The following MTUS1 variants were observed in gnomAD, a reference collection of about 807,000 sequenced individuals.
MTUS1 encodes microtubule associated scaffold protein 1.
A neutral mutation model predicts 120.8 loss-of-function variants in MTUS1; 109 were observed. That is an observed-to-expected ratio of 0.90 (90% CI 0.77 to 1.06). The LOEUF (loss-of-function observed/expected upper bound fraction) is 1.06. Among genes scored for constraint, MTUS1 ranks in the 50% least tolerant of loss-of-function variants. The pLI is 0.00. For missense variants in MTUS1, 2,210 were observed against 1,486.3 expected (o/e 1.49, Z -8.01); for synonymous variants, 737 against 550.5 (o/e 1.34, Z -4.74).
Position 17,647,090 on chromosome 8 carries a change from A to G in MTUS1, c.3502-11T>C, listed in dbSNP as rs373076821. ...TGTGTTGTTGTCCACCTTGGCATAA[A>G]CAAGAATTCCAACATTTATACAATA... On this transcript the variant is annotated splice_polypyrimidine_tract_variant and intron_variant, in intron 13 of 14. Transcript: ENST00000693296. The G allele has an allele frequency of 1.9e-6, 3 of 1,608,050 alleles. No homozygotes were observed. The highest frequency in any genetic ancestry group is 2.6e-6 in the Non-Finnish European group (3 of 1,175,894).
intron 8 of MTUS1, among the ~76,000 whole-genome samples, chr8:17,662,458 C>T (rs566898823): frequency 4.5e-4 from 66 of 147,402 alleles, no homozygotes; most frequent in Admixed American, 1.1e-3. Flanking sequence ...CGGGTTCATG[C>T]GATTCTCTTG....
intron 3 of MTUS1, among the ~76,000 whole-genome samples, chr8:17,726,515 A>T (rs2046240621): frequency 6.6e-6 from 1 of 152,168 alleles, no homozygotes; most frequent in Non-Finnish European, 1.5e-5. Context: ...CAACAAATTC[A>T]TTTTTTTAAA....
chr8:17,656,180 T>A, intron 8 of MTUS1, 115 bp from the exon 9 acceptor site: 1 of 905,994 alleles, frequency 1.1e-6, no homozygotes, highest in Admixed American at 2.1e-5. Flanking sequence ...CATGATGTCT[T>A]GGGTCTCTAG....
At chr8:17,781,587 C>T (rs1466477411) in intron 1 of MTUS1, among the ~76,000 whole-genome samples, 1 of 152,176 alleles carries the variant, frequency 6.6e-6, no homozygotes, top group African/African-American at 2.4e-5. Context: ...AAATGACTAA[C>T]TTCAATATTT....
Position 17,715,790 on chromosome 8 carries a change from T to C in MTUS1, c.2561A>G (p.His854Arg). The change falls in exon 5 of 15, where the codon CAC (histidine) becomes CGC (arginine). Residue 854 changes from histidine (H) to arginine (R), a missense_variant. His to Arg is a conservative substitution (Grantham distance 29). Coordinates refer to ENST00000693296, the MANE Select transcript of MTUS1 (RefSeq NM_001363059.2). ...LKPLVSRAHVHLMKTPPKGPS... is the reference protein window; with the variant it reads ...LKPLVSRAHVRLMKTPPKGPS... ...ACCTTTTGGAGGAGTTTTCATCAAG[T>C]GAACATGAGCCCTGGATACCAAAGG... 6.2e-7 allele frequency: 1 copy of C among 1,613,040 alleles called. No individual in the cohort carries two copies. The highest frequency in any genetic ancestry group is 8.5e-7 in the Non-Finnish European group (1 of 1,179,762).
At chr8:17,789,983 C>T (rs1036509219) in intron 1 of MTUS1, among the ~76,000 whole-genome samples, 1 of 152,160 alleles carries the variant, frequency 6.6e-6, no homozygotes, top group African/African-American at 2.4e-5. Context: ...GGGATTACCT[C>T]CATTTCCTCC....
Position 17,697,334 on chromosome 8 carries a change from C to G in MTUS1, c.2624-12792G>C, listed in dbSNP as rs778125533. 3 of 1,613,976 alleles carry G rather than the reference C, an allele frequency of 1.9e-6. No homozygotes were observed. In the African/African-American group the frequency reaches 4.0e-5, roughly 22 times the overall value. ...TCGAAGCAATCCTTTGGCCGTCAGT[C>G]GTATGTGAATGGTGGATAAGGAGAA... On this transcript the variant is annotated intron_variant, in intron 6 of 14. Coordinates refer to ENST00000693296, the MANE Select transcript of MTUS1 (RefSeq NM_001363059.2).
intron 12 of MTUS1, chr8:17,651,508 G>C (rs1360810674): frequency 6.6e-6 from 1 of 150,702 alleles, no homozygotes; most frequent in Non-Finnish European, 1.5e-5. Context: ...ATTTTATACA[G>C]TGTTACCCTT....
chr8:17,768,790 A>G (rs773763798), intron 1 of MTUS1, among the ~76,000 whole-genome samples: 1 of 152,164 alleles, frequency 6.6e-6, no homozygotes, highest in Non-Finnish European at 1.5e-5. Context: ...GTGGGCAGAC[A>G]GCATTCCAAA....
Position 17,786,754 on chromosome 8 carries a change from G to C in MTUS1, c.-155+14307C>G, listed in dbSNP as rs150999083. On this transcript the variant is annotated intron_variant, in intron 1 of 14. Coordinates refer to ENST00000693296, the MANE Select transcript of MTUS1 (RefSeq NM_001363059.2). Reference sequence around the variant, plus strand: ...AGAAATGGATCCACCCGAGCGGTATGAAGGAGCTGGGTTTCATATGTGATA... The same window carrying C: ...AGAAATGGATCCACCCGAGCGGTATCAAGGAGCTGGGTTTCATATGTGATA... 1.5e-3 allele frequency among the ~76,000 whole-genome samples: 233 copies of C among 152,264 alleles called. 8 individuals are homozygous for C. The East Asian group carries it at 0.04, about 26-fold the overall frequency.
intron 8 of MTUS1, among the ~76,000 whole-genome samples, 189 bp from the exon 9 acceptor site, chr8:17,656,254 G>C (rs539824669): frequency 6.6e-6 from 1 of 152,240 alleles, no homozygotes; most frequent in East Asian, 1.9e-4. Flanking sequence ...AGGGCAGGGC[G>C]CAGTGGCTCA....
In MTUS1 at chr8:17,795,167, C is replaced by T. The variant is rs186955675; in HGVS notation, c.-155+5894G>A. On this transcript the variant is annotated intron_variant, in intron 1 of 14. Transcript: ENST00000693296. ...AAAAGCATAAAAGATAAGCTAACTA[C>T]CCAACAGTCAAGACTTAATGAACAC... 2.5e-3 allele frequency among the ~76,000 whole-genome samples: 373 copies of T among 152,230 alleles called. 3 individuals carry two copies. Among genetic ancestry groups the T allele is most frequent in the Non-Finnish European group, 3.7e-3 (252 of 68,018 alleles).
intron 1 of MTUS1, among the ~76,000 whole-genome samples, chr8:17,797,849 T>C (rs970185862): frequency 3.9e-5 from 6 of 152,204 alleles, no homozygotes; most frequent in Non-Finnish European, 8.8e-5. Context: ...CTTCCTTTAG[T>C]GAGGACTTTC....
At chr8:17,725,995 C>G (rs2046205474) in intron 3 of MTUS1, among the ~76,000 whole-genome samples, 1 of 152,156 alleles carries the variant, frequency 6.6e-6, no homozygotes, top group Non-Finnish European at 1.5e-5. Context: ...CCCCCTCAGG[C>G]CATGCCTCTA....
intron 6 of MTUS1, among the ~76,000 whole-genome samples, chr8:17,712,309 G>T (rs1821466185): frequency 6.6e-6 from 1 of 151,934 alleles, no homozygotes; most frequent in Non-Finnish European, 1.5e-5. Context: ...GTGTACAGGA[G>T]ACCTTATCTA....
chr8:17,680,391 G>A (rs1814125183), intron 7 of MTUS1, among the ~76,000 whole-genome samples: 1 of 141,600 alleles, frequency 7.1e-6, no homozygotes, highest in Admixed American at 7.7e-5. Context: ...TTGAACCCAG[G>A]TGGCGGAGGT....
At chr8:17,665,358 T>C (rs143414761) in intron 8 of MTUS1, among the ~76,000 whole-genome samples, 1 of 152,338 alleles carries the variant, frequency 6.6e-6, no homozygotes, top group African/African-American at 2.4e-5. Context: ...CTCCCATAAA[T>C]GCCACTTCAC....
intron 3 of MTUS1, among the ~76,000 whole-genome samples, chr8:17,741,918 C>T (rs1171859518): frequency 6.6e-6 from 1 of 152,170 alleles, no homozygotes; most frequent in African/African-American, 2.4e-5. Flanking sequence ...AAGACTTGCT[C>T]AGGCAGCGTA....
At chr8:17,688,205 C>G (rs1203923952) in intron 6 of MTUS1, among the ~76,000 whole-genome samples, 1 of 152,226 alleles carries the variant, frequency 6.6e-6, no homozygotes, top group Non-Finnish European at 1.5e-5. Context: ...CACTGACCTA[C>G]TCACTCACTC....
Sources: gnomAD v4.1 joint callset for allele counts (sites outside exome capture counted in the v4.1 genomes callset) on GRCh38, gnomAD v4.1.1 for gene constraint, MANE v1.5 for transcripts, NCBI Gene and HGNC (gene_info 2026-07-23, HGNC 2026-07-21) for gene names.